PDSS1: variants seen among roughly 807,000 people sequenced by gnomAD.
PDSS1 encodes the protein decaprenyl diphosphate synthase subunit 1, also known as all trans-polyprenyl-diphosphate synthase PDSS1.
Under a neutral mutation model 57.5 loss-of-function variants are expected in PDSS1, and 43 were observed. The ratio of observed to expected loss-of-function variants is 0.75; its 90% CI spans 0.59 to 0.96. PDSS1 has a LOEUF of 0.96. Among genes scored for constraint, PDSS1 ranks in the 50% least tolerant of loss-of-function variants. The pLI is 0.00. For synonymous variants in PDSS1, 175 were observed against 191.3 expected (o/e 0.91, Z 0.70); for missense variants, 438 against 527.8 (o/e 0.83, Z 1.67).
chr10:26,705,277 A>C lies in PDSS1; in HGVS notation c.228-9A>C, dbSNP rs769620225. 3.3e-6 allele frequency: 5 copies of C among 1,515,858 alleles called. No individual in the cohort carries two copies. In the South Asian group the frequency reaches 5.6e-5, roughly 17 times the overall value. 93.9% of individuals were successfully genotyped at this position (1,515,858 alleles called of 1,614,324 possible). A position where few individuals can be genotyped will look rare whatever the true frequency, so the allele number is the denominator to read the frequency against. On this transcript the variant is annotated splice_polypyrimidine_tract_variant and intron_variant, in intron 3 of 11. Coordinates refer to ENST00000376215, the MANE Select transcript of PDSS1 (RefSeq NM_014317.5). ...AAAATGAAGTCATGTGCATTTTTGCATGTCCCAGGTTTCATCACACAACCC... is the reference window on the plus strand; with the variant it reads ...AAAATGAAGTCATGTGCATTTTTGCCTGTCCCAGGTTTCATCACACAACCC...
intron 2 of PDSS1, among the ~76,000 whole-genome samples, chr10:26,704,012 G>A (rs1443689202): frequency 7.0e-6 from 1 of 142,364 alleles, no homozygotes; most frequent in South Asian, 2.2e-4. Flanking sequence ...ACCCTGGGGG[G>A]CGGAGCCTGC....
At chr10:26,739,010 A>T (rs1836495343) in intron 10 of PDSS1, among the ~76,000 whole-genome samples, 2 of 152,118 alleles carry the variant, frequency 1.3e-5, no homozygotes, top group Non-Finnish European at 2.9e-5. Flanking sequence ...AAACTTTTTT[A>T]ATTTTCAAAT....
chr10:26,709,688 T>A lies in PDSS1; in HGVS notation c.387T>A (p.Phe129Leu). The part of the protein sequence containing the change: ...SELKEMSEYY[F>L]DGKGKAFRPI... ...TTAAGGAAATGTCTGAGTACTACTTTGATGGGAAAGGGAAAGCCTTTCGAC... is the reference window on the plus strand; with the variant it reads ...TTAAGGAAATGTCTGAGTACTACTTAGATGGGAAAGGGAAAGCCTTTCGAC... Residue 129 changes from phenylalanine (F) to leucine (L), a missense_variant, in exon 5 of 12, where the codon TTT (phenylalanine) becomes TTA (leucine). Phe to Leu is a conservative substitution (Grantham distance 22). Transcript: ENST00000376215. 2 of 1,613,686 alleles carry A rather than the reference T, an allele frequency of 1.2e-6. No homozygotes were observed. The highest frequency in any genetic ancestry group is 1.7e-6 in the Non-Finnish European group (2 of 1,179,568).
In PDSS1 at chr10:26,724,065, A is replaced by G; in HGVS notation, c.773A>G (p.His258Arg). The part of the protein sequence containing the change: ...SKENENERFA[H>R]YLEKTFKKTA... Reference sequence around the variant, plus strand: ...GAAAATGAGAATGAAAGATTTGCACACTACCTTGAGAAGACATTCAAGAAG... The same window carrying G: ...GAAAATGAGAATGAAAGATTTGCACGCTACCTTGAGAAGACATTCAAGAAG... The change falls in exon 8 of 12, where the codon CAC becomes CGC. Residue 258 changes from histidine to arginine, a missense_variant. Physicochemically the swap from His to Arg is conservative, Grantham distance 29. Coordinates refer to ENST00000376215, the MANE Select transcript of PDSS1 (RefSeq NM_014317.5). The G allele has an allele frequency of 6.2e-7, 1 of 1,614,154 alleles. No individual in the cohort carries two copies. The highest frequency in any genetic ancestry group is 8.5e-7 in the Non-Finnish European group (1 of 1,179,984).
intron 10 of PDSS1, among the ~76,000 whole-genome samples, chr10:26,737,561 G>A (rs925845090): frequency 2.6e-5 from 4 of 151,530 alleles, no homozygotes; most frequent in South Asian, 2.1e-4. Flanking sequence ...TGGAAACCCC[G>A]TCTCTACTAA....
At chr10:26,746,244 A>T in intron 11 of PDSS1, 89 bp from the exon 12 acceptor site, 2 of 1,311,608 alleles carry the variant, frequency 1.5e-6, no homozygotes, top group Non-Finnish European at 2.2e-6. Flanking sequence ...CTGATCTCAA[A>T]ACTATGTGTT....
Position 26,697,842 on chromosome 10 carries a change from T to A in PDSS1, c.129+2T>A. 1 of 1,329,524 alleles carries A rather than the reference T, an allele frequency of 7.5e-7. No individual in the cohort carries two copies. Among genetic ancestry groups the A allele is most frequent in the Non-Finnish European group, 9.7e-7 (1 of 1,032,956 alleles). 82.4% of individuals were successfully genotyped at this position (1,329,524 alleles called of 1,614,324 possible). On this transcript the variant is annotated splice_donor_variant, in intron 1 of 11. Coordinates refer to ENST00000376215, the MANE Select transcript of PDSS1 (RefSeq NM_014317.5). LOFTEE classifies it high-confidence loss of function. ...GCCGCTGCCGAAGTCCGCGCGCAGGTGAGGTTGGGAGGCGCGCGCCCGGCG... is the reference window on the plus strand; with the variant it reads ...GCCGCTGCCGAAGTCCGCGCGCAGGAGAGGTTGGGAGGCGCGCGCCCGGCG...
intron 4 of PDSS1, among the ~76,000 whole-genome samples, chr10:26,708,771 G>A (rs1835325848): frequency 6.6e-6 from 1 of 152,014 alleles, no homozygotes; most frequent in Non-Finnish European, 1.5e-5. Flanking sequence ...AGTGAGTTAT[G>A]ATCGTGCCAC....
chr10:26,702,890 A>G (rs534946873), intron 2 of PDSS1, among the ~76,000 whole-genome samples: 4 of 152,296 alleles, frequency 2.6e-5, no homozygotes, highest in East Asian at 3.9e-4. Context: ...TGTGAGGGAA[A>G]GGTAAGAAAC....
chr10:26,697,869 G>C (rs1156866893), intron 1 of PDSS1, 29 bp downstream of exon 1: 1 of 1,272,680 alleles, frequency 7.9e-7, no homozygotes, highest in Non-Finnish European at 9.9e-7. Context: ...CGCCCGGCGG[G>C]GCTCAGAGGT....
intron 5 of PDSS1, among the ~76,000 whole-genome samples, chr10:26,713,945 A>G (rs913858236): frequency 6.6e-6 from 1 of 152,016 alleles, no homozygotes; most frequent in African/African-American, 2.4e-5. Flanking sequence ...ATGAAGGGCC[A>G]TTCTACCTGC....
chr10:26,735,181 G>GT, intron 8 of PDSS1, 59 bp from the exon 9 acceptor site: 1 of 1,172,962 alleles, frequency 8.5e-7, no homozygotes, highest in South Asian at 1.2e-5. Context: ...TCAGCCAGGG[G>GT]TCAGCTGCTT....
At chr10:26,744,360 CTATTT>C (rs72011857) in intron 11 of PDSS1, among the ~76,000 whole-genome samples, 14,212 of 151,798 alleles carry the variant, frequency 0.094, 756 homozygotes, top group East Asian at 0.18. Context: ...CCCATAAACA[CTATTT>C]TATTTTATTT....
chr10:26,726,979 T>C (rs1375402036), intron 8 of PDSS1, among the ~76,000 whole-genome samples: 1 of 151,904 alleles, frequency 6.6e-6, no homozygotes, highest in African/African-American at 2.4e-5. Flanking sequence ...GGAGAACCGC[T>C]TGAACCCGGG....
In PDSS1 at chr10:26,724,763, G is replaced by A. The variant is rs1370169501; in HGVS notation, c.831+640G>A. Among the ~76,000 whole-genome samples, 4 of 152,038 alleles carry A rather than the reference G, an allele frequency of 2.6e-5. No homozygotes were observed. The East Asian group carries it at 7.8e-4, about 29-fold the overall frequency. Reference sequence around the variant, plus strand: ...CAGCTAATTTTTGTATTTTTCATAGGGATGGGGGTTTGCCATGTTGGCCGG... The same window carrying A: ...CAGCTAATTTTTGTATTTTTCATAGAGATGGGGGTTTGCCATGTTGGCCGG... On this transcript the variant is annotated intron_variant, in intron 8 of 11. Transcript: ENST00000376215.
chr10:26,699,424 TCACTCTGTCGCCCAGG>T (rs1189382982), intron 1 of PDSS1, among the ~76,000 whole-genome samples: 1 of 149,202 alleles, frequency 6.7e-6, no homozygotes, highest in African/African-American at 2.5e-5. Flanking sequence ...ACACAGAGTC[TCACTCTGTCGCCCAGG>T]CTGGAGTGCA....
intron 5 of PDSS1, among the ~76,000 whole-genome samples, chr10:26,718,475 A>G (rs1405263196): frequency 6.6e-6 from 1 of 152,062 alleles, no homozygotes; most frequent in Non-Finnish European, 1.5e-5. Context: ...TTAATAAAGA[A>G]TGAGGCCAGG....
At position 26,720,302 on chromosome 10, in the gene PDSS1, C is replaced by T. The variant is rs139094994; in HGVS notation, c.552C>T (p.Asp184=). The T allele has an allele frequency of 1.9e-5, 31 of 1,613,832 alleles. No individual in the cohort carries two copies. Among genetic ancestry groups the T allele is most frequent in the Admixed American group, 6.7e-5 (4 of 59,986 alleles). Residue 184 remains aspartate, a synonymous_variant, in exon 6 of 12, where the codon GAC becomes GAT. Coordinates refer to ENST00000376215, the MANE Select transcript of PDSS1 (RefSeq NM_014317.5). ...TASLVHDDVI[D]DASSRRGKHT... ...GTCTGGTTCACGATGACGTTATTGA[C>T]GATGCAAGTTCTCGAAGAGGAAAAC...
intron 8 of PDSS1, among the ~76,000 whole-genome samples, chr10:26,731,462 GT>G (rs1836194892): frequency 6.6e-6 from 1 of 152,192 alleles, no homozygotes; most frequent in Admixed American, 6.5e-5. Context: ...TAGGTTTCCA[GT>G]TTTACAATTA....
Sources: allele counts gnomAD v4.1 joint callset (sites outside exome capture counted in the v4.1 genomes callset), GRCh38; gene constraint gnomAD v4.1.1; transcripts MANE v1.5; gene names NCBI Gene and HGNC (gene_info 2026-07-23, HGNC 2026-07-21).